The following PAN3 variants were observed in gnomAD, a reference collection of about 807,000 sequenced individuals.
PAN3 encodes poly(A) specific ribonuclease subunit PAN3.
A neutral mutation model predicts 96.2 loss-of-function variants in PAN3; 19 were observed. That is an observed-to-expected ratio of 0.20 (90% CI 0.14 to 0.29). The LOEUF is 0.29. Ranked by LOEUF, PAN3 falls within the 10% of genes least tolerant of loss-of-function variation. PAN3 has a pLI of 1.00. For missense variants in PAN3, 882 were observed against 1,108.1 expected (o/e 0.80, Z 2.90); for synonymous variants, 433 against 406.6 (o/e 1.06, Z -0.78).
rs1308285559 is a variant in PAN3, at chr13:28,271,467, T to C, written c.1959-514T>C. 2.8e-4 allele frequency among the ~76,000 whole-genome samples: 43 copies of C among 152,202 alleles called. 1 individual carries two copies. The highest frequency in any genetic ancestry group is 2.7e-3 in the Admixed American group (41 of 15,272). On this transcript the variant is annotated intron_variant, in intron 13 of 18. Coordinates refer to ENST00000380958, the MANE Select transcript of PAN3 (RefSeq NM_175854.8). ...AGTTCATATCCTGGCTTTGATAGTT[T>C]ACTGTCGATATGCCGTTGAACAAGT...
Position 28,224,587 on chromosome 13 carries a change from G to GT in PAN3, c.1000+4218dup, listed in dbSNP as rs199993559. ...ATTCCTTCAAGATGAAAATAGTGCA[G>GT]TTTTTTTTTAATCATTAGATATGTT... On this transcript the variant is annotated intron_variant, in intron 6 of 18. Coordinates refer to ENST00000380958, the MANE Select transcript of PAN3 (RefSeq NM_175854.8). Among the ~76,000 whole-genome samples, 82 of 151,580 alleles carry GT rather than the reference G, an allele frequency of 5.4e-4. 1 individual carries two copies. Among genetic ancestry groups the GT allele is most frequent in the African/African-American group, 1.7e-3 (72 of 41,318 alleles).
chr13:28,174,418 G>T, intron 2 of PAN3, 25 bp downstream of exon 2: 1 of 1,607,318 alleles, frequency 6.2e-7, no homozygotes, highest in Admixed American at 1.7e-5. Context: ...AATTCATATT[G>T]CACTATGAAG....
At chr13:28,171,809 C>A (rs1342579843) in intron 1 of PAN3, among the ~76,000 whole-genome samples, 1 of 152,218 alleles carries the variant, frequency 6.6e-6, no homozygotes, top group Non-Finnish European at 1.5e-5. Flanking sequence ...TAGCCCCTCT[C>A]TCCTCACTGG....
intron 8 of PAN3, 26 bp from the exon 9 acceptor site, chr13:28,261,374 TA>T: frequency 1.4e-6 from 2 of 1,404,574 alleles, no homozygotes; most frequent in Non-Finnish European, 1.9e-6. Context: ...TGTGTTTAAA[TA>T]AAAATATACT....
intron 1 of PAN3, among the ~76,000 whole-genome samples, chr13:28,170,281 T>C (rs998948052): frequency 1.3e-5 from 2 of 152,204 alleles, no homozygotes; most frequent in South Asian, 4.1e-4. Flanking sequence ...ACAAATTCTA[T>C]TTCTTAATGA....
intron 5 of PAN3, chr13:28,214,743 T>C (rs1385642140): frequency 1.3e-5 from 7 of 531,766 alleles, no homozygotes; most frequent in Non-Finnish European, 2.1e-5. Context: ...GATATCTCCC[T>C]GTAGAAACTT....
At chr13:28,162,937 A>C (rs1250667782) in intron 1 of PAN3, among the ~76,000 whole-genome samples, 1 of 152,124 alleles carries the variant, frequency 6.6e-6, no homozygotes, top group Non-Finnish European at 1.5e-5. Context: ...GGTGTGCATA[A>C]TTACAGATAC....
Position 28,293,733 on chromosome 13 carries a change from G to A in PAN3, c.*1211G>A, listed in dbSNP as rs1384042964. The A allele has an allele frequency of 6.6e-6, 1 of 152,564 alleles. No homozygotes were observed. Among genetic ancestry groups the A allele is most frequent in the Non-Finnish European group, 1.5e-5 (1 of 68,028 alleles). The allele number at this position is 152,564 out of a possible 1,614,324, so 9.5% of individuals were successfully genotyped here. A position where few individuals can be genotyped will look rare whatever the true frequency, so the allele number is the denominator to read the frequency against. The stretch of plus-strand genomic sequence containing the variant: ...TTTCTTAATATTTGGACATGCAGTT[G>A]TCGCCAAACTTGGGTATTCATGGAA... On this transcript the variant is annotated 3_prime_UTR_variant, in exon 19 of 19. Transcript: ENST00000380958.
intron 1 of PAN3, among the ~76,000 whole-genome samples, chr13:28,149,649 T>C (rs1310579851): frequency 8.0e-6 from 1 of 125,326 alleles, no homozygotes; most frequent in Non-Finnish European, 1.7e-5. Context: ...TCTTGCTCTG[T>C]CACCCAGGCT....
At chr13:28,243,580 A>C (rs1050909245) in intron 6 of PAN3, among the ~76,000 whole-genome samples, 4 of 152,190 alleles carry the variant, frequency 2.6e-5, no homozygotes, top group African/African-American at 9.7e-5. Context: ...TATATTCCAC[A>C]CAGCCTTTTA....
At chr13:28,233,672 T>C (rs1333309572) in intron 6 of PAN3, among the ~76,000 whole-genome samples, 1 of 152,216 alleles carries the variant, frequency 6.6e-6, no homozygotes, top group Non-Finnish European at 1.5e-5. Context: ...ATTTTGTGTT[T>C]GAACATTTAT....
chr13:28,161,513 T>C (rs1394026411), intron 1 of PAN3, among the ~76,000 whole-genome samples: 1 of 152,218 alleles, frequency 6.6e-6, no homozygotes, highest in African/African-American at 2.4e-5. Context: ...TAATTATATC[T>C]GCAGTGACTC....
intron 6 of PAN3, among the ~76,000 whole-genome samples, chr13:28,240,333 T>G (rs1883541441): frequency 6.6e-6 from 1 of 152,178 alleles, no homozygotes; most frequent in Non-Finnish European, 1.5e-5. Context: ...GGGCCATAAT[T>G]ATACAGGGAT....
chr13:28,242,781 A>G (rs9582024), intron 6 of PAN3, among the ~76,000 whole-genome samples: 14,187 of 152,204 alleles, frequency 0.093, 825 homozygotes, highest in African/African-American at 0.17. Context: ...TTGTCTTCCA[A>G]TCTGTGAACA....
At chr13:28,189,524 AAAAACAAAAC>A (rs1293744274) in intron 4 of PAN3, among the ~76,000 whole-genome samples, 2 of 141,350 alleles carry the variant, frequency 1.4e-5, no homozygotes, top group African/African-American at 5.4e-5. Context: ...CTCAAAACAA[AAAAACAAAAC>A]AAAACAAAAA....
chr13:28,266,990 G>A, intron 10 of PAN3, 105 bp from the exon 11 acceptor site: 1 of 1,283,506 alleles, frequency 7.8e-7, no homozygotes, highest in South Asian at 1.9e-5. Context: ...TTGGAAATTA[G>A]TACCTCATGA....
Position 28,178,074 on chromosome 13 carries a change from A to T in PAN3, c.690+139A>T, listed in dbSNP as rs1411748932. 2.0e-5 allele frequency: 14 copies of T among 691,506 alleles called. No homozygotes were observed. The South Asian group carries it at 2.5e-4, about 12-fold the overall frequency. The allele number at this position is 691,506 out of a possible 1,614,324, so 42.8% of individuals were successfully genotyped here. On this transcript the variant is annotated intron_variant, in intron 4 of 18. Transcript: ENST00000380958. ...TTAGTGTTTTTCCTGCCTTTTGTTT[A>T]TCCTTTTTCTTTATCTTTTTATATG...
At position 28,247,228 on chromosome 13, in the gene PAN3, C is replaced by T. The variant is rs548335157; in HGVS notation, c.1001-9064C>T. 4.6e-5 allele frequency among the ~76,000 whole-genome samples: 7 copies of T among 152,054 alleles called. No homozygotes were observed. In the South Asian group the frequency reaches 8.3e-4, roughly 18 times the overall value. On this transcript the variant is annotated intron_variant, in intron 6 of 18. Coordinates refer to ENST00000380958, the MANE Select transcript of PAN3 (RefSeq NM_175854.8). Reference sequence around the variant, plus strand: ...TTGTATGTCTTCTTTTGGGAAATGTCGGTCCTGATCTTTTGCCTATTTTAA... The same window carrying T: ...TTGTATGTCTTCTTTTGGGAAATGTTGGTCCTGATCTTTTGCCTATTTTAA...
intron 14 of PAN3, among the ~76,000 whole-genome samples, chr13:28,274,278 T>TA (rs1886878988): frequency 6.6e-6 from 1 of 152,308 alleles, no homozygotes; most frequent in Non-Finnish European, 1.5e-5. Flanking sequence ...TCTTCTCTCT[T>TA]ATACTTAGTG....
Sources: allele counts gnomAD v4.1 joint callset (sites outside exome capture counted in the v4.1 genomes callset), GRCh38; gene constraint gnomAD v4.1.1; transcripts MANE v1.5; gene names NCBI Gene and HGNC (gene_info 2026-07-23, HGNC 2026-07-21).